The following CFAP96 variants were observed in gnomAD, a reference collection of about 807,000 sequenced individuals.
The protein encoded by CFAP96 is cilia and flagella associated protein 96.
At chr4:185,408,786 A>G in the CFAP96 span, among the ~76,000 whole-genome samples, 15 of 152,052 alleles carry the variant, frequency 9.9e-5, no homozygotes, top group African/African-American at 3.6e-4. Flanking sequence ...TCCCAAATTA[A>G]TTGTACAGCT....
chr4:185,424,140 CAA>C, the CFAP96 span, among the ~76,000 whole-genome samples: 216 of 135,174 alleles, frequency 1.6e-3, no homozygotes, highest in Admixed American at 1.4e-3. Context: ...CCATCTCTAC[CAA>C]AAAAAAAAAA....
At chr4:185,446,400 C>A in the CFAP96 span, among the ~76,000 whole-genome samples, 1 of 152,134 alleles carries the variant, frequency 6.6e-6, no homozygotes, top group Non-Finnish European at 1.5e-5. Context: ...CATACTTGTA[C>A]TACTCTTCTT....
the CFAP96 span, chr4:185,425,992 A>C: frequency 1.8e-6 from 2 of 1,129,842 alleles, no homozygotes; most frequent in Non-Finnish European, 2.6e-6. Context: ...AACTCCCGAC[A>C]TGCTCGGCGG....
chr4:185,441,611 T>C, the CFAP96 span, among the ~76,000 whole-genome samples: 1 of 151,684 alleles, frequency 6.6e-6, no homozygotes, highest in Non-Finnish European at 1.5e-5. Context: ...CTTAATTTCT[T>C]CTATTAAAAG....
At chr4:185,418,633 C>A in the CFAP96 span, 1 of 1,613,814 alleles carries the variant, frequency 6.2e-7, no homozygotes, top group Non-Finnish European at 8.5e-7. Context: ...TCAGTCAGTT[C>A]TCCAGGAATG....
the CFAP96 span, chr4:185,436,110 A>G: frequency 7.2e-5 from 112 of 1,551,412 alleles, no homozygotes; most frequent in Non-Finnish European, 9.5e-5. Flanking sequence ...CGCACAGTCA[A>G]AACCTCGAGA....
chr4:185,417,082 A>G, the CFAP96 span, among the ~76,000 whole-genome samples: 1 of 152,108 alleles, frequency 6.6e-6, no homozygotes, highest in Non-Finnish European at 1.5e-5. Context: ...GGTGGATACC[A>G]TCTTAAGTAA....
the CFAP96 span, chr4:185,429,185 C>A: frequency 2.7e-6 from 1 of 370,746 alleles, no homozygotes; most frequent in Non-Finnish European, 4.7e-6. Context: ...CTCCCCCACC[C>A]CGCAGAGTAG....
chr4:185,439,904 CAT>C, the CFAP96 span, among the ~76,000 whole-genome samples: 29 of 145,134 alleles, frequency 2.0e-4, no homozygotes, highest in South Asian at 4.3e-4. Context: ...CACATATACA[CAT>C]ATATATCTCA....
At chr4:185,425,767 G>A in the CFAP96 span, 1 of 1,533,318 alleles carries the variant, frequency 6.5e-7, no homozygotes, top group Non-Finnish European at 8.8e-7. Context: ...CTTGGACCCC[G>A]GCAGGACCAG....
chr4:185,415,040 C>T, the CFAP96 span: 1 of 881,196 alleles, frequency 1.1e-6, no homozygotes, highest in South Asian at 2.0e-5. Context: ...AGTCTAAATT[C>T]CACACTTTTA....
the CFAP96 span, among the ~76,000 whole-genome samples, chr4:185,427,610 A>T: frequency 5.4e-5 from 8 of 147,904 alleles, 1 homozygote. Flanking sequence ...AAATACAAAA[A>T]TCAGCCGGGC....
At chr4:185,427,617 G>T in the CFAP96 span, among the ~76,000 whole-genome samples, 1 of 151,684 alleles carries the variant, frequency 6.6e-6, no homozygotes, top group Non-Finnish European at 1.5e-5. Context: ...AAAATCAGCC[G>T]GGCGTGGTGG....
the CFAP96 span, chr4:185,413,739 A>G: frequency 1.2e-6 from 2 of 1,610,932 alleles, no homozygotes; most frequent in Non-Finnish European, 8.5e-7. Flanking sequence ...ACCAGTCTCC[A>G]TGTTAGGTGG....
the CFAP96 span, among the ~76,000 whole-genome samples, chr4:185,431,039 G>A: frequency 6.8e-3 from 1,030 of 152,012 alleles, 8 homozygotes; most frequent in African/African-American, 0.023. Context: ...GTGAAACCCC[G>A]TCTCTACTAA....
At chr4:185,437,003 A>G in the CFAP96 span, among the ~76,000 whole-genome samples, 2 of 152,158 alleles carry the variant, frequency 1.3e-5, no homozygotes, top group East Asian at 3.9e-4. Flanking sequence ...AAAGAGTCAT[A>G]TCCTGACCCT....
the CFAP96 span, chr4:185,440,505 T>TTG: frequency 7.4e-7 from 1 of 1,351,654 alleles, no homozygotes; most frequent in East Asian, 2.9e-5. Context: ...TTTGTGAAAT[T>TTG]TGTGCTATGT....
the CFAP96 span, among the ~76,000 whole-genome samples, chr4:185,409,018 T>G: frequency 6.6e-6 from 1 of 152,208 alleles, no homozygotes; most frequent in South Asian, 2.1e-4. Flanking sequence ...TACACTAATA[T>G]GTGAGCTCAG....
chr4:185,408,439 T>C, the CFAP96 span: 1 of 1,612,190 alleles, frequency 6.2e-7, no homozygotes, highest in African/African-American at 1.3e-5. Context: ...CATAAATCTA[T>C]ATACAGAGAA....
Sources: gnomAD v4.1 joint callset for allele counts (sites outside exome capture counted in the v4.1 genomes callset) on GRCh38, gnomAD v4.1.1 for gene constraint, MANE v1.5 for transcripts, NCBI Gene and HGNC (gene_info 2026-07-23, HGNC 2026-07-21) for gene names.